The following ABCB5 variants were observed in gnomAD, a reference collection of about 807,000 sequenced individuals.
ABCB5 encodes the protein ATP binding cassette subfamily B member 5, also known as ATP-binding cassette sub-family B member 5.
ABCB5 carries 155 observed loss-of-function variants against 144.2 expected under a neutral mutation model. The ratio of observed to expected loss-of-function variants is 1.08; its 90% confidence interval spans 0.94 to 1.23. The LOEUF (loss-of-function observed/expected upper bound fraction) is 1.23. ABCB5 is among the 50% of genes most tolerant of loss of function. The probability of loss-of-function intolerance (pLI) is 0.00; values close to 1 mark genes in which losing one functional copy is unlikely to be tolerated. For synonymous variants in ABCB5, 610 were observed against 528.6 expected, an observed-to-expected ratio of 1.15 and a Z score of -2.11; for missense variants, 1,830 against 1,520.8, an observed-to-expected ratio of 1.20 and a Z score of -3.38.
chr7:20,680,122 C>G (rs1465890351), intron 14 of ABCB5, among the ~76,000 whole-genome samples: 4 of 152,126 alleles, frequency 2.6e-5, no homozygotes, highest in Admixed American at 2.0e-4. Context: ...GGATGAATCT[C>G]AAAAACATAA....
chr7:20,734,905 A>G (rs1258155746), intron 23 of ABCB5, among the ~76,000 whole-genome samples: 1 of 152,206 alleles, frequency 6.6e-6, no homozygotes, highest in Non-Finnish European at 1.5e-5. Flanking sequence ...ATAAATGTGT[A>G]GATTTAGATG....
In ABCB5 at chr7:20,743,009, G is replaced by T; in HGVS notation, c.3157G>T (p.Gly1053Cys). The T allele has an allele frequency of 6.2e-7, 1 of 1,614,116 alleles. No homozygotes were observed. The highest frequency in any genetic ancestry group is 8.5e-7 in the Non-Finnish European group (1 of 1,180,026). Residue 1053 changes from glycine to cysteine, a missense_variant, in exon 25 of 28, where the codon GGC becomes TGC. Gly to Cys is a radical substitution (Grantham distance 159, BLOSUM62 -3). Coordinates refer to ENST00000404938, the MANE Select transcript of ABCB5 (RefSeq NM_001163941.2). ...GACAGTAGCATTTGTGGGGAGCAGC[G>T]GCTGTGGGAAAAGCACTTCTGTTCA... ...GKTVAFVGSSGCGKSTSVQLL... is the reference protein window; with the variant it reads ...GKTVAFVGSSCCGKSTSVQLL...
chr7:20,625,383 C>CGTGTGTGTGTGT (rs1783887410), intron 2 of ABCB5, among the ~76,000 whole-genome samples: 1 of 151,474 alleles, frequency 6.6e-6, no homozygotes, highest in Admixed American at 6.8e-5. Flanking sequence ...TTTGCGCGTG[C>CGTGTGTGTGTGT]ATGTGTGTGT....
intron 23 of ABCB5, among the ~76,000 whole-genome samples, chr7:20,729,469 T>A (rs28589888): frequency 0.089 from 13,518 of 152,240 alleles, 1,648 homozygotes; most frequent in African/African-American, 0.27. Context: ...TGGAATTGAA[T>A]GTGGTGTCCC....
intron 20 of ABCB5, among the ~76,000 whole-genome samples, chr7:20,720,717 G>A (rs999317435): frequency 2.0e-5 from 3 of 151,994 alleles, no homozygotes; most frequent in Non-Finnish European, 2.9e-5. Context: ...AGGCCGAGAC[G>A]GGCGGATCAC....
intron 14 of ABCB5, among the ~76,000 whole-genome samples, chr7:20,681,060 CTT>C (rs377157985): frequency 0.11 from 1,100 of 10,368 alleles, 99 homozygotes; most frequent in African/African-American, 0.23. Context: ...CTCTCTCTCT[CTT>C]TCTTTCTTTC....
intron 21 of ABCB5, among the ~76,000 whole-genome samples, chr7:20,725,797 C>T (rs990758404): frequency 6.6e-6 from 1 of 152,014 alleles, no homozygotes; most frequent in African/African-American, 2.4e-5. Context: ...GCATTCTTAT[C>T]CATTTTCTTC....
At chr7:20,732,566 A>G (rs114770636) in intron 23 of ABCB5, among the ~76,000 whole-genome samples, 28 of 152,326 alleles carry the variant, frequency 1.8e-4, no homozygotes, top group African/African-American at 6.5e-4. Flanking sequence ...TTGGAATGGT[A>G]CATAATTAGG....
chr7:20,716,235 C>A (rs6967386), intron 20 of ABCB5, among the ~76,000 whole-genome samples: 3,360 of 152,190 alleles, frequency 0.022, 108 homozygotes, highest in African/African-American at 0.072. Flanking sequence ...TTAAAAGAAA[C>A]TTCCAAGTGG....
chr7:20,712,818 G>T (rs933217040), intron 20 of ABCB5, among the ~76,000 whole-genome samples: 2 of 149,510 alleles, frequency 1.3e-5, no homozygotes, highest in African/African-American at 2.5e-5. Flanking sequence ...GTATAAAAAT[G>T]ATGTTTTATA....
intron 1 of ABCB5, among the ~76,000 whole-genome samples, chr7:20,618,019 A>C (rs1168170360): frequency 6.6e-6 from 1 of 152,228 alleles, no homozygotes; most frequent in East Asian, 1.9e-4. Context: ...AGAAACTTTA[A>C]GATTACCCTT....
At chr7:20,641,545 C>G (rs1784296694) in intron 5 of ABCB5, 1 of 153,528 alleles carries the variant, frequency 6.5e-6, no homozygotes, top group Admixed American at 6.6e-5. Context: ...CTATAAAGCA[C>G]TAAGAAATCT....
intron 11 of ABCB5, among the ~76,000 whole-genome samples, chr7:20,648,822 C>T (rs1420803724): frequency 1.3e-5 from 2 of 152,062 alleles, no homozygotes; most frequent in East Asian, 1.9e-4. Flanking sequence ...CTGATTAAAA[C>T]TTTGATCGAA....
chr7:20,667,523 C>A, intron 14 of ABCB5: 1 of 978,994 alleles, frequency 1.0e-6, no homozygotes, highest in Non-Finnish European at 1.2e-6. Flanking sequence ...TTAATGCTCT[C>A]TTTTATATTT....
chr7:20,687,101 G>A (rs566470897), intron 16 of ABCB5, among the ~76,000 whole-genome samples: 2 of 152,222 alleles, frequency 1.3e-5, no homozygotes, highest in South Asian at 4.1e-4. Context: ...TATGACAAAT[G>A]TATGTTAAGA....
intron 26 of ABCB5, among the ~76,000 whole-genome samples, chr7:20,751,996 C>T (rs1238202658): frequency 6.6e-6 from 1 of 152,198 alleles, no homozygotes; most frequent in Non-Finnish European, 1.5e-5. Flanking sequence ...ATGACGTAGA[C>T]ACATTTTGTT....
At chr7:20,670,184 G>C (rs1298298859) in intron 14 of ABCB5, among the ~76,000 whole-genome samples, 1 of 152,102 alleles carries the variant, frequency 6.6e-6, no homozygotes, top group Non-Finnish European at 1.5e-5. Flanking sequence ...GGGGATCCTA[G>C]AACAGAAAAA....
intron 14 of ABCB5, among the ~76,000 whole-genome samples, chr7:20,679,282 A>G (rs541109925): frequency 1.9e-3 from 293 of 152,174 alleles, no homozygotes; most frequent in Non-Finnish European, 3.5e-3. Context: ...AGCCTGGCCA[A>G]CATGGTAAAA....
chr7:20,723,369 G>GAA (rs1781936198), intron 21 of ABCB5, 150 bp downstream of exon 21: 3 of 722,958 alleles, frequency 4.1e-6, no homozygotes, highest in Middle Eastern at 3.5e-4. Context: ...TATAGAGAGA[G>GAA]AAATGCATAC....
Sources: gnomAD v4.1 joint callset for allele counts (sites outside exome capture counted in the v4.1 genomes callset) on GRCh38, gnomAD v4.1.1 for gene constraint, MANE v1.5 for transcripts, NCBI Gene and HGNC (gene_info 2026-07-23, HGNC 2026-07-21) for gene names.